The following NKAIN2 variants were observed in gnomAD, a reference collection of about 807,000 sequenced individuals.
The protein encoded by NKAIN2 is sodium/potassium-transporting ATPase subunit beta-1-interacting protein 2.
A neutral mutation model predicts 32.6 loss-of-function variants in NKAIN2; 14 were observed. The ratio of observed to expected loss-of-function variants is 0.43; its 90% confidence interval spans 0.28 to 0.67. The LOEUF (loss-of-function observed/expected upper bound fraction) is 0.67. Ranked by LOEUF, NKAIN2 falls within the 30% of genes least tolerant of loss-of-function variation. The probability of loss-of-function intolerance (pLI) is 0.17; values close to 1 mark genes in which losing one functional copy is unlikely to be tolerated. For missense variants in NKAIN2, 198 were observed against 258.3 expected (o/e 0.77, Z 1.60); for synonymous variants, 80 against 87.2 (o/e 0.92, Z 0.46).
At chr6:123,947,955 T>C (rs1276451915) in intron 1 of NKAIN2, among the ~76,000 whole-genome samples, 1 of 152,122 alleles carries the variant, frequency 6.6e-6, no homozygotes, top group Non-Finnish European at 1.5e-5. Flanking sequence ...GTATCTCTTA[T>C]TGTCTACCTC....
chr6:124,599,012 C>T (rs920631253), intron 3 of NKAIN2, among the ~76,000 whole-genome samples: 1 of 134,372 alleles, frequency 7.4e-6, no homozygotes, highest in African/African-American at 3.0e-5. Flanking sequence ...ATGAGGTACA[C>T]AAATCTATTT....
intron 3 of NKAIN2, among the ~76,000 whole-genome samples, chr6:124,499,333 A>G (rs967261759): frequency 1.3e-5 from 2 of 152,206 alleles, no homozygotes; most frequent in African/African-American, 4.8e-5. Flanking sequence ...TAACAGAAAA[A>G]TAAACAAAAC....
intron 3 of NKAIN2, among the ~76,000 whole-genome samples, chr6:124,632,542 C>T (rs1024776572): frequency 3.9e-5 from 6 of 152,104 alleles, no homozygotes; most frequent in Admixed American, 1.3e-4. Flanking sequence ...GTGAATACCC[C>T]CTCCTCTTAA....
At chr6:124,631,363 G>A (rs1783558087) in intron 3 of NKAIN2, among the ~76,000 whole-genome samples, 1 of 152,098 alleles carries the variant, frequency 6.6e-6, no homozygotes, top group African/African-American at 2.4e-5. Context: ...TATTTTGTGT[G>A]AACTAGATAG....
intron 4 of NKAIN2, among the ~76,000 whole-genome samples, chr6:124,680,834 A>G (rs1031814537): frequency 1.3e-5 from 2 of 152,024 alleles, no homozygotes; most frequent in African/African-American, 2.4e-5. Context: ...TAAATGTTCA[A>G]TGAGATACCT....
chr6:123,898,397 AT>A (rs749007466), intron 1 of NKAIN2, among the ~76,000 whole-genome samples: 6 of 152,176 alleles, frequency 3.9e-5, no homozygotes, highest in Non-Finnish European at 7.3e-5. Flanking sequence ...TGCTTTTGAC[AT>A]CTTTCTTACA....
intron 4 of NKAIN2, among the ~76,000 whole-genome samples, chr6:124,769,986 T>C (rs2114756748): frequency 6.6e-6 from 1 of 152,240 alleles, no homozygotes; most frequent in Non-Finnish European, 1.5e-5. Context: ...CTCTTTTCCT[T>C]TATTATCTTC....
chr6:124,632,035 T>C (rs1783589115), intron 3 of NKAIN2, among the ~76,000 whole-genome samples: 1 of 152,124 alleles, frequency 6.6e-6, no homozygotes, highest in African/African-American at 2.4e-5. Context: ...GTTAACAAAA[T>C]TGACATATAA....
chr6:124,707,177 A>T (rs868560339), intron 4 of NKAIN2, among the ~76,000 whole-genome samples: 17 of 152,012 alleles, frequency 1.1e-4, no homozygotes, highest in African/African-American at 1.9e-4. Context: ...AACTCATCAT[A>T]TTTTATGGCT....
intron 1 of NKAIN2, among the ~76,000 whole-genome samples, chr6:124,018,666 T>C (rs1173882269): frequency 6.6e-6 from 1 of 152,264 alleles, no homozygotes; most frequent in African/African-American, 2.4e-5. Context: ...CTCATCTCCA[T>C]CTGAGGCACC....
chr6:124,818,293 T>G, intron 5 of NKAIN2, 94 bp from the exon 6 acceptor site: 1 of 534,572 alleles, frequency 1.9e-6, no homozygotes, highest in Non-Finnish European at 3.4e-6. Flanking sequence ...AATAGATTAT[T>G]ACTAATAAAA....
At chr6:124,691,880 GT>G (rs550551798) in intron 4 of NKAIN2, among the ~76,000 whole-genome samples, 2 of 151,834 alleles carry the variant, frequency 1.3e-5, no homozygotes, top group Admixed American at 6.6e-5. Context: ...TTACAATATA[GT>G]TTTTTTTGAC....
intron 1 of NKAIN2, among the ~76,000 whole-genome samples, chr6:124,182,189 C>A (rs985553735): frequency 2.0e-5 from 3 of 152,142 alleles, no homozygotes; most frequent in African/African-American, 7.2e-5. Flanking sequence ...GACTCATTCA[C>A]TATCATGAGA....
chr6:124,145,567 G>A (rs1192364450), intron 1 of NKAIN2, among the ~76,000 whole-genome samples: 2 of 151,996 alleles, frequency 1.3e-5, no homozygotes, highest in African/African-American at 2.4e-5. Context: ...GTGCAATGGC[G>A]CCATCTCTGC....
rs1562324700 is a variant in NKAIN2 at position 124,687,447 on chromosome 6, G to GAATA, written c.474+29061_474+29062insAATA. Among the ~76,000 whole-genome samples the GAATA allele has an allele frequency of 2.6e-4, 33 of 125,962 alleles. 1 individual carries two copies. Among genetic ancestry groups the GAATA allele is most frequent in the South Asian group, 1.1e-3 (4 of 3,802 alleles). 82.6% of individuals were successfully genotyped at this position (125,962 alleles called of 152,430 possible). On this transcript the variant is annotated intron_variant, in intron 4 of 6. Coordinates refer to ENST00000368417, the MANE Select transcript of NKAIN2 (RefSeq NM_001040214.3). ...TCCATGTATACCATATACATACATGGTATATATTCCATATATACACATACA... is the reference window on the plus strand; with the variant it reads ...TCCATGTATACCATATACATACATGGAATATATATATTCCATATATACACATACA...
intron 1 of NKAIN2, among the ~76,000 whole-genome samples, chr6:123,859,393 C>G (rs1405366348): frequency 3.9e-5 from 6 of 151,934 alleles, no homozygotes; most frequent in Admixed American, 2.0e-4. Context: ...GCAATGAGAC[C>G]ATTGGAGTAT....
At chr6:124,391,488 C>G (rs1395512051) in intron 3 of NKAIN2, among the ~76,000 whole-genome samples, 1 of 151,996 alleles carries the variant, frequency 6.6e-6, no homozygotes, top group Non-Finnish European at 1.5e-5. Context: ...ATGAGGAGCC[C>G]TTTAACAATT....
intron 4 of NKAIN2, among the ~76,000 whole-genome samples, chr6:124,676,907 C>T (rs1235353188): frequency 6.6e-6 from 1 of 152,096 alleles, no homozygotes; most frequent in African/African-American, 2.4e-5. Flanking sequence ...TAAAATAAGT[C>T]TCTTGTTATC....
Position 123,859,720 on chromosome 6 carries a change from C to T in NKAIN2, c.54+55466C>T, listed in dbSNP as rs145558551. Among the ~76,000 whole-genome samples, 21 of 152,276 alleles carry T rather than the reference C, an allele frequency of 1.4e-4. No individual in the cohort carries two copies. In the East Asian group the frequency reaches 1.5e-3, roughly 11 times the overall value. On this transcript the variant is annotated intron_variant, in intron 1 of 6. Transcript: ENST00000368417. Reference sequence around the variant, plus strand: ...TTTGTTTGTTTTTGAGATGGAGTCTCGCTCTTGTCACCCAGGCTGTAGTGC... The same window carrying T: ...TTTGTTTGTTTTTGAGATGGAGTCTTGCTCTTGTCACCCAGGCTGTAGTGC...
Sources: allele counts gnomAD v4.1 joint callset (sites outside exome capture counted in the v4.1 genomes callset), GRCh38; gene constraint gnomAD v4.1.1; transcripts MANE v1.5; gene names NCBI Gene and HGNC (gene_info 2026-07-23, HGNC 2026-07-21).